COL8A1: variants seen among roughly 807,000 people sequenced by gnomAD.
COL8A1 encodes the protein collagen type VIII alpha 1 chain, also known as collagen alpha-1(VIII) chain.
Under a neutral mutation model 42.7 loss-of-function variants are expected in COL8A1, and 21 were observed. The ratio of observed to expected loss-of-function variants is 0.49; its 90% CI spans 0.35 to 0.71. COL8A1 has a LOEUF of 0.71. COL8A1 is among the 30% of genes least tolerant of loss of function. The probability of loss-of-function intolerance (pLI) is 0.01; values close to 1 mark genes in which losing one functional copy is unlikely to be tolerated. For missense variants in COL8A1, 788 were observed against 962.4 expected (o/e 0.82, Z 2.40); for synonymous variants, 367 against 369.1 (o/e 0.99, Z 0.06).
intron 2 of COL8A1, among the ~76,000 whole-genome samples, chr3:99,757,450 G>T (rs576952684): frequency 6.6e-6 from 1 of 152,186 alleles, no homozygotes; most frequent in East Asian, 1.9e-4. Flanking sequence ...CATACTCTTT[G>T]CTGGGGAGCA....
intron 1 of COL8A1, among the ~76,000 whole-genome samples, chr3:99,671,405 T>A (rs1938540188): frequency 6.6e-6 from 1 of 152,070 alleles, no homozygotes; most frequent in Non-Finnish European, 1.5e-5. Context: ...GATGTTTTGA[T>A]ATTAACATAC....
rs570601799 is a variant in COL8A1 at position 99,734,148 on chromosome 3, G to A, written c.-128-10749G>A. Among the ~76,000 whole-genome samples the A allele has an allele frequency of 4.6e-4, 69 of 151,198 alleles. 1 individual carries two copies. In the East Asian group the frequency reaches 0.013, roughly 29 times the overall value. On this transcript the variant is annotated intron_variant, in intron 1 of 3. Transcript: ENST00000652472. ...TCTTTTGCTGTGCAGAAGCTCTTTA[G>A]TTTAATTAGATCCCATTTGTCAATT...
chr3:99,644,310 C>T (rs1015416449), intron 1 of COL8A1, among the ~76,000 whole-genome samples: 6 of 152,232 alleles, frequency 3.9e-5, no homozygotes, highest in East Asian at 1.9e-4. Flanking sequence ...GGGAAAGGAA[C>T]CTCATTTCAC....
intron 2 of COL8A1, 57 bp from the exon 3 acceptor site, chr3:99,790,623 T>C (rs540257528): frequency 2.1e-6 from 3 of 1,440,974 alleles, no homozygotes; most frequent in African/African-American, 2.8e-5. Context: ...CTAAATAAAC[T>C]CAAGTCACTT....
At chr3:99,658,707 A>T (rs1055850038) in intron 1 of COL8A1, among the ~76,000 whole-genome samples, 1 of 152,228 alleles carries the variant, frequency 6.6e-6, no homozygotes, top group East Asian at 1.9e-4. Context: ...AAGGTCAACC[A>T]AGGGTCTAGG....
At chr3:99,769,872 T>G (rs1941544084) in intron 2 of COL8A1, among the ~76,000 whole-genome samples, 1 of 152,074 alleles carries the variant, frequency 6.6e-6, no homozygotes, top group Non-Finnish European at 1.5e-5. Context: ...TGAGCTGAAA[T>G]GGCGCCATTG....
intron 1 of COL8A1, among the ~76,000 whole-genome samples, chr3:99,669,402 G>C (rs1172172994): frequency 6.6e-6 from 1 of 151,888 alleles, no homozygotes; most frequent in East Asian, 1.9e-4. Flanking sequence ...CAGGAGCAGG[G>C]TCTGTAAATG....
At chr3:99,729,475 A>G (rs1262899756) in intron 1 of COL8A1, among the ~76,000 whole-genome samples, 1 of 152,038 alleles carries the variant, frequency 6.6e-6, no homozygotes, top group Non-Finnish European at 1.5e-5. Context: ...TTTTAAAAAA[A>G]GAAAAGGAAA....
chr3:99,689,116 T>C (rs1270544267), intron 1 of COL8A1, among the ~76,000 whole-genome samples: 2 of 152,220 alleles, frequency 1.3e-5, no homozygotes, highest in Non-Finnish European at 2.9e-5. Context: ...GCGATATTAA[T>C]TAATGACTAA....
chr3:99,705,601 A>G (rs1939659102), intron 1 of COL8A1, among the ~76,000 whole-genome samples: 1 of 152,200 alleles, frequency 6.6e-6, no homozygotes, highest in Non-Finnish European at 1.5e-5. Context: ...CAAGAGAGGT[A>G]TCTATCATAA....
At chr3:99,743,596 C>G (rs1217626218) in intron 1 of COL8A1, among the ~76,000 whole-genome samples, 1 of 149,252 alleles carries the variant, frequency 6.7e-6, no homozygotes, top group South Asian at 2.2e-4. Flanking sequence ...CCACTATCCA[C>G]AGGTAAATTA....
intron 2 of COL8A1, among the ~76,000 whole-genome samples, chr3:99,754,432 G>GTT (rs545165754): frequency 2.1e-5 from 3 of 146,160 alleles, no homozygotes; most frequent in African/African-American, 5.0e-5. Context: ...TAACTATACT[G>GTT]TTTTTTTTTT....
intron 2 of COL8A1, among the ~76,000 whole-genome samples, chr3:99,770,792 G>A (rs909817537): frequency 2.0e-5 from 3 of 152,188 alleles, no homozygotes; most frequent in African/African-American, 7.2e-5. Context: ...GATAGGCCAG[G>A]TCCCTTCTCT....
At chr3:99,651,455 A>G (rs573534160) in intron 1 of COL8A1, among the ~76,000 whole-genome samples, 9 of 152,366 alleles carry the variant, frequency 5.9e-5, no homozygotes, top group South Asian at 2.1e-4. Context: ...GACAACCTGA[A>G]ACACTGCGAA....
At chr3:99,734,056 G>T (rs1230355354) in intron 1 of COL8A1, among the ~76,000 whole-genome samples, 1 of 152,050 alleles carries the variant, frequency 6.6e-6, no homozygotes, top group Non-Finnish European at 1.5e-5. Context: ...TTAGCCCTTT[G>T]TCACATGAGT....
chr3:99,739,589 G>A (rs1237547997), intron 1 of COL8A1, among the ~76,000 whole-genome samples: 2 of 152,178 alleles, frequency 1.3e-5, no homozygotes, highest in African/African-American at 2.4e-5. Context: ...TCACATGGAA[G>A]CTGCCAAAGC....
chr3:99,717,098 C>T (rs1940021283), intron 1 of COL8A1, among the ~76,000 whole-genome samples: 2 of 152,092 alleles, frequency 1.3e-5, no homozygotes, highest in Non-Finnish European at 1.5e-5. Flanking sequence ...GGAACCGAAT[C>T]TCAGTCTTGC....
rs533208344 is a variant in COL8A1, at chr3:99,647,927, C to A, written c.-129+9263C>A. On this transcript the variant is annotated intron_variant, in intron 1 of 3. Coordinates refer to ENST00000652472, the MANE Select transcript of COL8A1 (RefSeq NM_020351.4). Reference sequence around the variant, plus strand: ...CTCTGGGAATTATCTTTCCACTTCACAAAGTTAGTGCCTGGAGGTCAGTAT... The same window carrying A: ...CTCTGGGAATTATCTTTCCACTTCAAAAAGTTAGTGCCTGGAGGTCAGTAT... 5.3e-5 allele frequency among the ~76,000 whole-genome samples: 8 copies of A among 152,266 alleles called. No individual in the cohort carries two copies. In the South Asian group the frequency reaches 1.7e-3, roughly 32 times the overall value.
Position 99,794,473 on chromosome 3 carries a change from G to A in COL8A1, c.572G>A (p.Gly191Glu). Residue 191 changes from glycine to glutamate, a missense_variant, in exon 4 of 4, where the codon GGG becomes GAG. By Grantham distance (98) the Gly-to-Glu change is moderately conservative. Transcript: ENST00000652472. This position sits in a 1 kb window ranked among gnomAD's most constrained non-coding sequence, Gnocchi z 4.3. The part of the protein sequence containing the change: ...IGQKGEIGPM[G>E]IPGPQGPPGP... ...CAGAAAGGGGAAATTGGGCCTATGG[G>A]GATCCCAGGACCACAAGGACCTCCA... 1 of 1,614,066 alleles carries A rather than the reference G, an allele frequency of 6.2e-7. No homozygotes were observed. Among genetic ancestry groups the A allele is most frequent in the Non-Finnish European group, 8.5e-7 (1 of 1,179,984 alleles).
Sources: allele counts gnomAD v4.1 joint callset (sites outside exome capture counted in the v4.1 genomes callset), GRCh38; gene constraint gnomAD v4.1.1; non-coding constraint Gnocchi (gnomAD v3.1); transcripts MANE v1.5; gene names NCBI Gene and HGNC (gene_info 2026-07-23, HGNC 2026-07-21).